Variants in EPB41L4B observed in about 807,000 individuals in gnomAD.
EPB41L4B encodes band 4.1-like protein 4B.
Under a neutral mutation model 112.5 loss-of-function variants are expected in EPB41L4B, and 30 were observed. The observed-to-expected ratio is 0.27, with a 90% confidence interval of 0.20 to 0.36. The LOEUF (loss-of-function observed/expected upper bound fraction) is 0.36. Ranked by LOEUF, EPB41L4B falls within the 10% of genes least tolerant of loss-of-function variation. EPB41L4B has a pLI of 1.00. For synonymous variants in EPB41L4B, 408 were observed against 439.7 expected, an observed-to-expected ratio of 0.93 and a Z score of 0.90; for missense variants, 1,024 against 1,133.3, an observed-to-expected ratio of 0.90 and a Z score of 1.38.
chr9:109,290,492 C>T (rs1369328195), intron 1 of EPB41L4B, among the ~76,000 whole-genome samples: 1 of 152,004 alleles, frequency 6.6e-6, no homozygotes, highest in Non-Finnish European at 1.5e-5. Flanking sequence ...AGATCAATTC[C>T]TTCTTTTCCC....
At chr9:109,222,812 G>A (rs528222209) in intron 15 of EPB41L4B, among the ~76,000 whole-genome samples, 136 of 152,284 alleles carry the variant, frequency 8.9e-4, no homozygotes, top group African/African-American at 3.2e-3. Context: ...CAGTTTTCCT[G>A]CAAGGAAGCT....
chr9:109,286,906 G>A (rs191915150), intron 1 of EPB41L4B, among the ~76,000 whole-genome samples: 22 of 152,304 alleles, frequency 1.4e-4, no homozygotes, highest in Middle Eastern at 3.4e-3. Flanking sequence ...TGTATGGTGA[G>A]CTGTTCCCAA....
chr9:109,310,085 T>C (rs928969999), intron 1 of EPB41L4B, among the ~76,000 whole-genome samples: 12 of 152,168 alleles, frequency 7.9e-5, no homozygotes, highest in African/African-American at 1.2e-4. Context: ...GTGTTTTTTT[T>C]CCCTAATAGT....
chr9:109,214,112 T>C (rs1833280114), intron 16 of EPB41L4B, among the ~76,000 whole-genome samples: 1 of 152,152 alleles, frequency 6.6e-6, no homozygotes, highest in African/African-American at 2.4e-5. Flanking sequence ...CCTTGCAGGG[T>C]TGCTGTGAAT....
At chr9:109,279,214 C>G (rs1964426) in intron 2 of EPB41L4B, among the ~76,000 whole-genome samples, 132,138 of 146,332 alleles carry the variant, frequency 0.9, 59,622 homozygotes, top group Middle Eastern at 0.97. Flanking sequence ...TTTTTTTTTT[C>G]AGACAGGGTC....
At chr9:109,248,181 C>T (rs1383180951) in intron 13 of EPB41L4B, among the ~76,000 whole-genome samples, 3 of 152,322 alleles carry the variant, frequency 2.0e-5, no homozygotes, top group East Asian at 3.9e-4. Flanking sequence ...TCCAGTGATG[C>T]GCAGAGCCTC....
intron 5 of EPB41L4B, among the ~76,000 whole-genome samples, chr9:109,263,764 T>C (rs1835301578): frequency 6.6e-6 from 1 of 152,242 alleles, no homozygotes; most frequent in Non-Finnish European, 1.5e-5. Flanking sequence ...ACCTTTAGGA[T>C]AGGTGTTGCC....
intron 1 of EPB41L4B, 54 bp downstream of exon 1, chr9:109,320,087 A>G: frequency 3.0e-6 from 4 of 1,348,304 alleles, no homozygotes; most frequent in South Asian, 3.5e-5. Flanking sequence ...GGGGAGGGGG[A>G]GCTGCCTCCA....
At chr9:109,174,912 G>GTTTTT (rs35440007) in intron 25 of EPB41L4B, among the ~76,000 whole-genome samples, 13 of 74,554 alleles carry the variant, frequency 1.7e-4, no homozygotes, top group African/African-American at 2.2e-4. Context: ...TCAGTAAAGT[G>GTTTTT]TTTTTTTTTT....
chr9:109,213,949 G>A (rs911516170), intron 16 of EPB41L4B, 131 bp from the exon 17 acceptor site: 2 of 734,814 alleles, frequency 2.7e-6, no homozygotes, highest in African/African-American at 1.7e-5. Context: ...CAGCTCTCAT[G>A]CCTTCAGTAT....
intron 23 of EPB41L4B, 98 bp from the exon 24 acceptor site, chr9:109,182,895 A>G: frequency 1.2e-6 from 1 of 840,836 alleles, no homozygotes; most frequent in Non-Finnish European, 2.0e-6. Flanking sequence ...CAAAGGATTC[A>G]GGGGTGCCCC....
chr9:109,237,259 C>CA (rs1834179651), intron 15 of EPB41L4B, among the ~76,000 whole-genome samples: 1 of 152,112 alleles, frequency 6.6e-6, no homozygotes, highest in South Asian at 2.1e-4. Flanking sequence ...ACGAAATAGG[C>CA]AAAAGGGTTT....
chr9:109,235,906 C>T (rs578243030), intron 15 of EPB41L4B, among the ~76,000 whole-genome samples: 1 of 152,296 alleles, frequency 6.6e-6, no homozygotes, highest in South Asian at 2.1e-4. Flanking sequence ...AAGAAATTGG[C>T]CAAAGGTCCC....
Position 109,237,958 on chromosome 9 carries a change from TG to T in EPB41L4B, c.1409+5659del, listed in dbSNP as rs1834208065. On this transcript the variant is annotated intron_variant, in intron 15 of 25. Transcript: ENST00000374566. ...GCAATTAGATTTCAGTGGAGTGAAC[TG>T]TTCAACATCATCTAGCAGTCTCATG... 2.0e-5 allele frequency among the ~76,000 whole-genome samples: 3 copies of T among 152,078 alleles called. No homozygotes were observed. The South Asian group carries it at 6.2e-4, about 32-fold the overall frequency.
chr9:109,296,258 C>T (rs1295690294), intron 1 of EPB41L4B, among the ~76,000 whole-genome samples: 3 of 152,236 alleles, frequency 2.0e-5, no homozygotes, highest in African/African-American at 7.2e-5. Flanking sequence ...GCACATGACG[C>T]TTCCTGAAAC....
chr9:109,304,023 G>A (rs749120666), intron 1 of EPB41L4B, among the ~76,000 whole-genome samples: 14 of 152,150 alleles, frequency 9.2e-5, no homozygotes, highest in Non-Finnish European at 1.5e-4. Context: ...GATGGATGCC[G>A]GAACCAGACT....
intron 1 of EPB41L4B, among the ~76,000 whole-genome samples, chr9:109,301,436 T>C (rs1037323706): frequency 2.0e-5 from 3 of 152,186 alleles, no homozygotes; most frequent in African/African-American, 7.2e-5. Flanking sequence ...AATGGACTGG[T>C]GTACCCCACA....
intron 6 of EPB41L4B, among the ~76,000 whole-genome samples, chr9:109,261,620 A>T (rs1588182195): frequency 6.6e-6 from 1 of 151,920 alleles, no homozygotes; most frequent in Non-Finnish European, 1.5e-5. Context: ...AATACCAAGT[A>T]AAAAAAATTA....
At chr9:109,236,447 TGA>T (rs1834146786) in intron 15 of EPB41L4B, among the ~76,000 whole-genome samples, 1 of 149,778 alleles carries the variant, frequency 6.7e-6, no homozygotes, top group African/African-American at 2.4e-5. Context: ...TGACCTCTAC[TGA>T]GAGTTAAAAT....
Sources: allele counts gnomAD v4.1 joint callset (sites outside exome capture counted in the v4.1 genomes callset), GRCh38; gene constraint gnomAD v4.1.1; transcripts MANE v1.5; gene names NCBI Gene and HGNC (gene_info 2026-07-23, HGNC 2026-07-21).